The following PPP2R2A variants were observed in gnomAD, a reference collection of about 807,000 sequenced individuals.
The protein encoded by PPP2R2A is serine/threonine-protein phosphatase 2A 55 kDa regulatory subunit B alpha isoform.
In PPP2R2A, 9 loss-of-function variants were observed where a neutral mutation model predicts 53.2. That is an observed-to-expected ratio of 0.17 (90% CI 0.10 to 0.30). PPP2R2A has a LOEUF of 0.30. Among genes scored for constraint, PPP2R2A ranks in the 10% least tolerant of loss-of-function variants. PPP2R2A has a pLI of 1.00. For missense variants in PPP2R2A, 235 were observed against 534.6 expected (o/e 0.44, Z 5.53); for synonymous variants, 169 against 174.2 (o/e 0.97, Z 0.23).
intron 3 of PPP2R2A, chr8:26,339,867 A>T (rs1174878853): frequency 6.6e-6 from 1 of 152,114 alleles, no homozygotes; most frequent in East Asian, 1.9e-4. Context: ...TAAGCAAAGA[A>T]TCTAGTAATA....
At chr8:26,369,373 C>T (rs543006937) in intron 9 of PPP2R2A, among the ~76,000 whole-genome samples, 4 of 150,844 alleles carry the variant, frequency 2.7e-5, no homozygotes, top group Admixed American at 6.6e-5. Context: ...ACTACAGGCA[C>T]GTGCCACTAC....
rs778210141 is a variant in PPP2R2A, at chr8:26,362,652, A to C, written c.638-32A>C. The C allele has an allele frequency of 1.9e-6, 3 of 1,594,860 alleles. No homozygotes were observed. Among genetic ancestry groups the C allele is most frequent in the Non-Finnish European group, 2.6e-6 (3 of 1,168,124 alleles). Reference sequence around the variant, plus strand: ...TAGAATTATATTTGCCCTTTTTTCTAAGTGGAAATTCCTTAATAAAATGTT... The same window carrying C: ...TAGAATTATATTTGCCCTTTTTTCTCAGTGGAAATTCCTTAATAAAATGTT... On this transcript the variant is annotated intron_variant, in intron 6 of 9. Transcript: ENST00000380737. The surrounding 1 kb of genome is among the most constrained non-coding windows in gnomAD (Gnocchi z 4.4).
chr8:26,334,007 A>G (rs1803521064), intron 2 of PPP2R2A, among the ~76,000 whole-genome samples: 1 of 141,232 alleles, frequency 7.1e-6, no homozygotes, highest in Admixed American at 6.9e-5. Context: ...ACATTACATT[A>G]CTTTTTTTTT....
At chr8:26,312,381 C>G (rs1254294763) in intron 2 of PPP2R2A, among the ~76,000 whole-genome samples, 1 of 152,194 alleles carries the variant, frequency 6.6e-6, no homozygotes, top group African/African-American at 2.4e-5. Context: ...TTTTGCATTT[C>G]TGATCAGCTC....
chr8:26,339,302 TC>T (rs1312439704), intron 3 of PPP2R2A, among the ~76,000 whole-genome samples: 1 of 152,198 alleles, frequency 6.6e-6, no homozygotes, highest in African/African-American at 2.4e-5. Flanking sequence ...TTATAATTTT[TC>T]CTTTGAAACT....
intron 9 of PPP2R2A, among the ~76,000 whole-genome samples, chr8:26,367,799 C>T (rs1449926834): frequency 6.6e-6 from 1 of 152,188 alleles, no homozygotes; most frequent in South Asian, 2.1e-4. Context: ...CCATCTAATC[C>T]GGAGACCCAC....
At chr8:26,293,226 T>A (rs1231778870) in intron 1 of PPP2R2A, 1 of 1,535,668 alleles carries the variant, frequency 6.5e-7, no homozygotes, top group South Asian at 1.2e-5. Flanking sequence ...ATATGAATCA[T>A]TACTCCTTAC....
chr8:26,364,503 GA>G (rs1585412756), intron 8 of PPP2R2A, among the ~76,000 whole-genome samples: 1 of 152,308 alleles, frequency 6.6e-6, no homozygotes, highest in East Asian at 1.9e-4. Flanking sequence ...ACACAGCCTG[GA>G]ACAGGGTGAG....
intron 2 of PPP2R2A, among the ~76,000 whole-genome samples, chr8:26,330,792 G>A: frequency 6.6e-6 from 1 of 152,090 alleles, no homozygotes; most frequent in East Asian, 1.9e-4. Context: ...ATTTCGGATT[G>A]GAAACCAGAC....
chr8:26,336,549 G>C (rs191260434), intron 2 of PPP2R2A, among the ~76,000 whole-genome samples: 1 of 152,066 alleles, frequency 6.6e-6, no homozygotes, highest in Non-Finnish European at 1.5e-5. Context: ...TACGTGTTCA[G>C]TTCACTTAAG....
At chr8:26,343,064 G>A (rs1267448978) in intron 3 of PPP2R2A, among the ~76,000 whole-genome samples, 1 of 151,972 alleles carries the variant, frequency 6.6e-6, no homozygotes, top group Non-Finnish European at 1.5e-5. Context: ...TGTAATCCCA[G>A]CTATGTGACT....
intron 2 of PPP2R2A, among the ~76,000 whole-genome samples, chr8:26,309,939 G>A (rs1338092215): frequency 6.6e-6 from 1 of 151,974 alleles, no homozygotes; most frequent in Admixed American, 6.6e-5. Flanking sequence ...AGTTTTGCAA[G>A]AATTACCAAA....
chr8:26,316,781 T>C (rs1802576508), intron 2 of PPP2R2A, among the ~76,000 whole-genome samples: 1 of 152,352 alleles, frequency 6.6e-6, no homozygotes, highest in South Asian at 2.1e-4. Context: ...AGGTCTCTTT[T>C]ATAGGGACAC....
rs1277110076 is a variant in PPP2R2A at position 26,338,584 on chromosome 8, CAG to C, written c.83-304_83-303del. Among the ~76,000 whole-genome samples, 4 of 152,180 alleles carry C rather than the reference CAG, an allele frequency of 2.6e-5. No individual in the cohort carries two copies. The highest frequency in any genetic ancestry group is 9.7e-5 in the African/African-American group (4 of 41,432). ...GCAAGATAATGTTTAAGGGTGCTAT[CAG>C]AATGATTCACAAATTGTTGATTTCT... On this transcript the variant is annotated intron_variant, in intron 2 of 9. Coordinates refer to ENST00000380737, the MANE Select transcript of PPP2R2A (RefSeq NM_002717.4). The surrounding 1 kb of genome is among the most constrained non-coding windows in gnomAD (Gnocchi z 4.5).
rs1238628547 is a variant in PPP2R2A, at chr8:26,291,584, C to T, written c.-236C>T. ...GCCGCCGCCGTCGCTGTCGTAGTCG[C>T]CGCCGCCGCTGCCGGAGAAAGAGCA... On this transcript the variant is annotated 5_prime_UTR_variant, in exon 1 of 10. Transcript: ENST00000380737. The T allele has an allele frequency of 3.6e-6, 2 of 548,866 alleles. No individual in the cohort carries two copies. Among genetic ancestry groups the T allele is most frequent in the African/African-American group, 2.0e-5 (1 of 50,108 alleles). The allele number at this position is 548,866 out of a possible 1,614,324, so 34.0% of individuals were successfully genotyped here.
chr8:26,328,866 AT>A (rs1803226046), intron 2 of PPP2R2A, among the ~76,000 whole-genome samples: 2 of 152,226 alleles, frequency 1.3e-5, no homozygotes, highest in African/African-American at 4.8e-5. Context: ...TTAAAAACCT[AT>A]GTTATGATAA....
chr8:26,313,863 T>G (rs1211748806), intron 2 of PPP2R2A, among the ~76,000 whole-genome samples: 1 of 152,158 alleles, frequency 6.6e-6, no homozygotes. Context: ...AGTGAAACTG[T>G]TTTTTGACTT....
chr8:26,370,192 C>T lies in PPP2R2A; in HGVS notation c.1123C>T (p.Arg375Ter), dbSNP rs1218488964. The T allele has an allele frequency of 6.2e-7, 1 of 1,613,866 alleles. No homozygotes were observed. The change falls in exon 10 of 10, where the codon CGA becomes TGA. Residue 375 changes from arginine to a stop codon, truncating the protein, a stop_gained. Coordinates refer to ENST00000380737, the MANE Select transcript of PPP2R2A (RefSeq NM_002717.4). LOFTEE classifies it high-confidence loss of function. The surrounding 1 kb of genome is among the most constrained non-coding windows in gnomAD (Gnocchi z 6.1). ...CAGAATGTTTGACAGAAACACAAAGCGAGACATAACCCTAGAAGCATCGCG... is the reference window on the plus strand; with the variant it reads ...CAGAATGTTTGACAGAAACACAAAGTGAGACATAACCCTAGAAGCATCGCG... The part of the protein sequence containing the change: ...FFRMFDRNTK[R>*]DITLEASREN...
chr8:26,293,367 G>A, intron 1 of PPP2R2A: 1 of 1,228,810 alleles, frequency 8.1e-7, no homozygotes, highest in South Asian at 1.3e-5. Flanking sequence ...TTTTTTTCTG[G>A]TAGGTCTTGC....
Sources: allele counts gnomAD v4.1 joint callset (sites outside exome capture counted in the v4.1 genomes callset), GRCh38; gene constraint gnomAD v4.1.1; non-coding constraint Gnocchi (gnomAD v3.1); transcripts MANE v1.5; gene names NCBI Gene and HGNC (gene_info 2026-07-23, HGNC 2026-07-21).